Variants in CKAP5 observed in about 807,000 individuals in gnomAD.
CKAP5 encodes the protein cytoskeleton associated protein 5.
Under a neutral mutation model 232.8 loss-of-function variants are expected in CKAP5, and 27 were observed. The observed-to-expected ratio is 0.12, with a 90% confidence interval of 0.09 to 0.16. The LOEUF (loss-of-function observed/expected upper bound fraction) is 0.16, where lower values mean the gene tolerates loss of function less well. Among genes scored for constraint, CKAP5 ranks in the 10% least tolerant of loss-of-function variants. The pLI is 1.00. For missense variants in CKAP5, 1,838 were observed against 2,424.7 expected (o/e 0.76, Z 5.08); for synonymous variants, 785 against 841.1 (o/e 0.93, Z 1.16).
At chr11:46,818,245 CA>C (rs1422361821) in intron 3 of CKAP5, 64 bp downstream of exon 3, 1 of 1,299,060 alleles carries the variant, frequency 7.7e-7, no homozygotes, top group Admixed American at 2.5e-5. Context: ...CAGTGATCTA[CA>C]AACATACATT....
At chr11:46,841,966 C>T (rs574069237) in intron 1 of CKAP5, among the ~76,000 whole-genome samples, 22 of 147,190 alleles carry the variant, frequency 1.5e-4, no homozygotes, top group Non-Finnish European at 3.1e-4. Flanking sequence ...CCATTGCACT[C>T]CAGCCCTGGA....
chr11:46,829,148 A>G (rs1939719479), intron 1 of CKAP5, among the ~76,000 whole-genome samples: 1 of 152,240 alleles, frequency 6.6e-6, no homozygotes, highest in Non-Finnish European at 1.5e-5. Flanking sequence ...CTTGAACAAC[A>G]TGGATTTGAA....
At chr11:46,777,731 C>T (rs1354283367) in intron 22 of CKAP5, among the ~76,000 whole-genome samples, 179 bp from the exon 23 acceptor site, 1 of 152,148 alleles carries the variant, frequency 6.6e-6, no homozygotes, top group Non-Finnish European at 1.5e-5. Flanking sequence ...TAGGCAGTGG[C>T]CTTTTTATCA....
chr11:46,823,180 AG>A (rs1475418046), intron 1 of CKAP5, among the ~76,000 whole-genome samples: 1 of 152,130 alleles, frequency 6.6e-6, no homozygotes, highest in Non-Finnish European at 1.5e-5. Context: ...TATATTGCCC[AG>A]ACTGGTCTCG....
At chr11:46,804,385 T>C (rs900390256) in intron 8 of CKAP5, among the ~76,000 whole-genome samples, 5 of 152,168 alleles carry the variant, frequency 3.3e-5, no homozygotes, top group Non-Finnish European at 7.4e-5. Context: ...AAAAGTAACA[T>C]ATGAGGGGGG....
intron 1 of CKAP5, among the ~76,000 whole-genome samples, chr11:46,830,536 G>C (rs1217075553): frequency 6.6e-6 from 1 of 151,978 alleles, no homozygotes; most frequent in African/African-American, 2.4e-5. Context: ...GAAGAGGCAA[G>C]GAACAGATTC....
chr11:46,810,857 G>T, intron 5 of CKAP5, 150 bp downstream of exon 5: 1 of 650,630 alleles, frequency 1.5e-6, no homozygotes, highest in Non-Finnish European at 2.4e-6. Context: ...CAAGAGAATT[G>T]CTGAGAAAGT....
chr11:46,830,546 C>A (rs574512075), intron 1 of CKAP5, among the ~76,000 whole-genome samples: 2 of 151,612 alleles, frequency 1.3e-5, no homozygotes, highest in African/African-American at 4.8e-5. Flanking sequence ...GGAACAGATT[C>A]TTTCCTAGGG....
rs778731229 is a variant in CKAP5, at chr11:46,753,482, T to G, written c.4885A>C (p.Ser1629Arg). The change falls in exon 37 of 44, where the codon AGC becomes CGC. Residue 1629 changes from serine to arginine, a missense_variant. Physicochemically the swap from Ser to Arg is moderately radical, Grantham distance 110. Around this residue, in one of 6 missense-constraint regions of CKAP5, gnomAD observed 579 missense variants for 843.2 expected, o/e 0.69. Transcript: ENST00000529230. ...CCAGTGGAGGCCTCCCGGGCAAGGC[T>G]CTCTATCTGAAACAGCTATCCAGAC... ...GNMISLFQIESLAREASTGVL... is the reference protein window; with the variant it reads ...GNMISLFQIERLAREASTGVL... 1 of 1,610,866 alleles carries G rather than the reference T, an allele frequency of 6.2e-7. No individual in the cohort carries two copies. The highest frequency in any genetic ancestry group is 8.5e-7 in the Non-Finnish European group (1 of 1,178,826).
At chr11:46,832,015 C>A (rs2134709768) in intron 1 of CKAP5, among the ~76,000 whole-genome samples, 1 of 152,028 alleles carries the variant, frequency 6.6e-6, no homozygotes, top group South Asian at 2.1e-4. Flanking sequence ...CAGGTGTTTG[C>A]CACCATGCCC....
chr11:46,788,276 A>G (rs1304934177), intron 16 of CKAP5, among the ~76,000 whole-genome samples: 1 of 152,224 alleles, frequency 6.6e-6, no homozygotes, highest in African/African-American at 2.4e-5. Flanking sequence ...CCCATTGTTC[A>G]TTAAAAATCA....
chr11:46,747,938 T>C (rs1015053016), intron 42 of CKAP5, among the ~76,000 whole-genome samples: 4 of 151,940 alleles, frequency 2.6e-5, no homozygotes, highest in African/African-American at 9.7e-5. Context: ...CATGCACCTG[T>C]AGTCCCAGCT....
At position 46,796,820 on chromosome 11, in the gene CKAP5, G is replaced by C. The variant is rs758921011; in HGVS notation, c.1459C>G (p.Leu487Val). The C allele has an allele frequency of 6.2e-7, 1 of 1,613,806 alleles. No individual in the cohort carries two copies. The highest frequency in any genetic ancestry group is 1.3e-5 in the African/African-American group (1 of 75,008). The change falls in exon 12 of 44, where the codon CTT becomes GTT. Residue 487 changes from leucine to valine, a missense_variant. This residue lies in a region of CKAP5 where 767 missense variants were observed against 954.6 expected (regional missense o/e 0.80). Transcript: ENST00000529230. Reference protein sequence around the residue: ...PFLADVDKLKLDKIKECSEKV... With the variant: ...PFLADVDKLKVDKIKECSEKV... Reference sequence around the variant, plus strand: ...ATCCATTACTAACCTACCTTATCAAGCTTGAGTTTGTCCACATCAGCTAGG... The same window carrying C: ...ATCCATTACTAACCTACCTTATCAACCTTGAGTTTGTCCACATCAGCTAGG...
chr11:46,760,624 G>A lies in CKAP5; in HGVS notation c.4382C>T (p.Ser1461Phe), dbSNP rs2065146171. The change falls in exon 33 of 44, where the codon TCT becomes TTT. Residue 1461 changes from serine (S) to phenylalanine (F), a missense_variant. By Grantham distance (155) the Ser-to-Phe change is radical. Around this residue, in one of 6 missense-constraint regions of CKAP5, gnomAD observed 579 missense variants for 843.2 expected, o/e 0.69. Coordinates refer to ENST00000529230, the MANE Select transcript of CKAP5 (RefSeq NM_001008938.4). ...TCTATCTACATACTTGAGTTTGGAA[G>A]ACATGTCCTCAGCTGGTCCCTTGCG... ...MLRKGPAEDM[S>F]SKLNQARSMS... is the part of the protein sequence containing the mutation. 1 of 1,614,042 alleles carries A rather than the reference G, an allele frequency of 6.2e-7. No individual in the cohort carries two copies. Among genetic ancestry groups the A allele is most frequent in the Non-Finnish European group, 8.5e-7 (1 of 1,180,014 alleles).
At position 46,744,014 on chromosome 11, in the gene CKAP5, G is replaced by A. The variant is rs916523577; in HGVS notation, c.*9C>T. ...TAAAGCTGCAGGGTGCCGGGGGAGT[G>A]GGGCAGCTTCATTTGCGACTGCTCT... On this transcript the variant is annotated 3_prime_UTR_variant, in exon 44 of 44. Coordinates refer to ENST00000529230, the MANE Select transcript of CKAP5 (RefSeq NM_001008938.4). 6.2e-7 allele frequency: 1 copy of A among 1,612,256 alleles called. No individual in the cohort carries two copies. The highest frequency in any genetic ancestry group is 8.5e-7 in the Non-Finnish European group (1 of 1,179,966).
intron 1 of CKAP5, among the ~76,000 whole-genome samples, chr11:46,842,918 G>A (rs1383509503): frequency 1.5e-5 from 2 of 132,488 alleles, no homozygotes; most frequent in Non-Finnish European, 3.1e-5. Flanking sequence ...AGTGAGCCGA[G>A]ATCGCGCCAC....
intron 13 of CKAP5, among the ~76,000 whole-genome samples, chr11:46,793,078 T>C (rs996720169): frequency 6.6e-6 from 1 of 152,288 alleles, no homozygotes; most frequent in Admixed American, 6.5e-5. Flanking sequence ...AAGATCTCTA[T>C]CCTTTAAAAG....
chr11:46,753,377 C>G lies in CKAP5; in HGVS notation c.4990G>C (p.Val1664Leu). ...ACCAAGAGGTTCACAGAGCGGATGA[C>G]CTGTTGTCCTTCCTCAAGATCTTCA... is the stretch of plus-strand genomic sequence containing the variant. ...RIEDLEEGQQ[V>L]IRSVNLLVVK... The change falls in exon 37 of 44, where the codon GTC (valine) becomes CTC (leucine). Residue 1664 changes from valine (V) to leucine (L), a missense_variant. By Grantham distance (32) the Val-to-Leu change is conservative. Coordinates refer to ENST00000529230, the MANE Select transcript of CKAP5 (RefSeq NM_001008938.4). 6.2e-7 allele frequency: 1 copy of G among 1,613,954 alleles called. No individual in the cohort carries two copies. Among genetic ancestry groups the G allele is most frequent in the Non-Finnish European group, 8.5e-7 (1 of 1,179,976 alleles).
chr11:46,750,986 G>T, intron 40 of CKAP5, 132 bp downstream of exon 40: 1 of 1,010,780 alleles, frequency 9.9e-7, no homozygotes, highest in East Asian at 2.4e-5. Flanking sequence ...ACCACAGCAG[G>T]AGACTGATTC....
Sources: gnomAD v4.1 joint callset for allele counts (sites outside exome capture counted in the v4.1 genomes callset) on GRCh38, gnomAD v4.1.1 for gene constraint, gnomAD v4.1.1 regional missense constraint, MANE v1.5 for transcripts, NCBI Gene and HGNC (gene_info 2026-07-23, HGNC 2026-07-21) for gene names.